ENPEP: variants seen among roughly 807,000 people sequenced by gnomAD.
ENPEP encodes AP-A.
Under a neutral mutation model 114.5 loss-of-function variants are expected in ENPEP, and 103 were observed. That is an observed-to-expected ratio of 0.90 (90% CI 0.77 to 1.06). The LOEUF is 1.06. Ranked by LOEUF, ENPEP falls within the 50% of genes least tolerant of loss-of-function variation. The probability of loss-of-function intolerance (pLI) is 0.00; values close to 1 mark genes in which losing one functional copy is unlikely to be tolerated. For synonymous variants in ENPEP, 420 were observed against 422.0 expected, an observed-to-expected ratio of 1.00 and a Z score of 0.06; for missense variants, 1,196 against 1,161.3, an observed-to-expected ratio of 1.03 and a Z score of -0.43.
At chr4:110,498,043 T>G in intron 3 of ENPEP, among the ~76,000 whole-genome samples, 1 of 152,254 alleles carries the variant, frequency 6.6e-6, no homozygotes, top group East Asian at 1.9e-4. Flanking sequence ...TCATCCTGGC[T>G]ACCTCAGTAT....
intron 1 of ENPEP, among the ~76,000 whole-genome samples, chr4:110,483,254 T>C (rs6839421): frequency 0.58 from 87,651 of 151,300 alleles, 25,532 homozygotes; most frequent in East Asian, 0.77. Context: ...AAGCTGCTCC[T>C]CTATGTAATT....
rs566033212 is a variant in ENPEP, at chr4:110,539,234, G to A, written c.1808-3517G>A. On this transcript the variant is annotated intron_variant, in intron 11 of 19. Coordinates refer to ENST00000265162, the MANE Select transcript of ENPEP (RefSeq NM_001977.4). ...TGCAATAAAGTGACTTCTCTCTAGC[G>A]CAATAAAGTAAGGTATGCTTGTACA... Among the ~76,000 whole-genome samples, 9 of 152,228 alleles carry A rather than the reference G, an allele frequency of 5.9e-5. No homozygotes were observed. In the East Asian group the frequency reaches 9.7e-4, roughly 16 times the overall value.
intron 10 of ENPEP, among the ~76,000 whole-genome samples, chr4:110,526,191 G>A (rs771434233): frequency 2.0e-5 from 3 of 152,014 alleles, no homozygotes; most frequent in East Asian, 3.9e-4. Context: ...CAGGAGACTC[G>A]CTTGAACCTG....
At chr4:110,515,523 C>A in intron 8 of ENPEP, 81 bp downstream of exon 8, 1 of 1,167,174 alleles carries the variant, frequency 8.6e-7, no homozygotes, top group Non-Finnish European at 1.2e-6. Flanking sequence ...TGTGATTAAT[C>A]AAGGATAATT....
intron 19 of ENPEP, among the ~76,000 whole-genome samples, chr4:110,560,607 C>T (rs1261051506): frequency 1.3e-5 from 2 of 152,054 alleles, no homozygotes; most frequent in East Asian, 3.9e-4. Context: ...GAAGGCCACA[C>T]CAGACAGTTC....
intron 8 of ENPEP, 151 bp downstream of exon 8, chr4:110,515,593 T>C: frequency 1.5e-6 from 1 of 655,342 alleles, no homozygotes; most frequent in South Asian, 1.8e-5. Context: ...AACATGATTT[T>C]ACATCCAATT....
At chr4:110,516,272 C>G (rs1038363510) in intron 8 of ENPEP, among the ~76,000 whole-genome samples, 1 of 152,156 alleles carries the variant, frequency 6.6e-6, no homozygotes, top group Non-Finnish European at 1.5e-5. Context: ...CCCACTTAAG[C>G]GTATTATTCC....
chr4:110,520,103 T>A, intron 9 of ENPEP, 30 bp downstream of exon 9: 1 of 1,608,498 alleles, frequency 6.2e-7, no homozygotes, highest in Non-Finnish European at 8.5e-7. Context: ...CCCAAATATT[T>A]CTTTGTCTGA....
chr4:110,548,139 G>GTTTTTTTTTTTTTTT (rs3042468), intron 13 of ENPEP, 37 bp from the exon 14 acceptor site: 18 of 692,116 alleles, frequency 2.6e-5, no homozygotes, highest in South Asian at 3.8e-5. Flanking sequence ...TTAACTGTGA[G>GTTTTTTTTTTTTTTT]TTTTTTTTTT....
intron 8 of ENPEP, among the ~76,000 whole-genome samples, chr4:110,517,640 A>G (rs559513211): frequency 6.6e-6 from 1 of 152,266 alleles, no homozygotes; most frequent in South Asian, 2.1e-4. Flanking sequence ...AATTTAAAAA[A>G]CCGGTTTTGT....
chr4:110,510,468 G>A lies in ENPEP; in HGVS notation c.1308+110G>A, dbSNP rs1467676957. 1.0e-5 allele frequency: 9 copies of A among 901,288 alleles called. No homozygotes were observed. In the South Asian group the frequency reaches 1.1e-4, roughly 11 times the overall value. 55.8% of individuals were successfully genotyped at this position (901,288 alleles called of 1,614,324 possible). ...AGTCAGATGGCAAGTACAGTGGTGAGCGGGGAATTCCACTGTGAGGATAGG... is the reference window on the plus strand; with the variant it reads ...AGTCAGATGGCAAGTACAGTGGTGAACGGGGAATTCCACTGTGAGGATAGG... On this transcript the variant is annotated intron_variant, in intron 6 of 19. Transcript: ENST00000265162.
chr4:110,559,625 T>C, intron 18 of ENPEP, 22 bp from the exon 19 acceptor site: 1 of 1,554,238 alleles, frequency 6.4e-7, no homozygotes, highest in Non-Finnish European at 8.9e-7. Context: ...TACACTTCCT[T>C]TTACTCTAAA....
intron 10 of ENPEP, among the ~76,000 whole-genome samples, chr4:110,524,864 T>C (rs2110367619): frequency 1.3e-5 from 2 of 152,248 alleles, no homozygotes; most frequent in East Asian, 3.9e-4. Context: ...GCTCAAGTGA[T>C]TTTCTCACCT....
chr4:110,564,398 TC>T lies in ENPEP; in HGVS notation c.*2841del, dbSNP rs1187007980. ...ACTTGGTAGTTGAGTGCTTTTAACC[TC>T]TCCATTGTTGTTTCATCTATAAAGT... On this transcript the variant is annotated 3_prime_UTR_variant, in exon 20 of 20. Coordinates refer to ENST00000265162, the MANE Select transcript of ENPEP (RefSeq NM_001977.4). The T allele has an allele frequency of 5.3e-5, 8 of 152,110 alleles. No homozygotes were observed. Among genetic ancestry groups the T allele is most frequent in the Admixed American group, 5.2e-4 (8 of 15,274 alleles). 9.4% of individuals were successfully genotyped at this position (152,110 alleles called of 1,614,324 possible).
rs995619743 is a variant in ENPEP, at chr4:110,564,691, C to T, written c.*3133C>T. On this transcript the variant is annotated 3_prime_UTR_variant, in exon 20 of 20. Transcript: ENST00000265162. Reference sequence around the variant, plus strand: ...GTTATTGTTCATAAATAGTAATTGCCCTGGTCTGGAAGAGGATTCTATATC... The same window carrying T: ...GTTATTGTTCATAAATAGTAATTGCTCTGGTCTGGAAGAGGATTCTATATC... The T allele has an allele frequency of 1.3e-5, 2 of 152,086 alleles. No homozygotes were observed. Among genetic ancestry groups the T allele is most frequent in the Admixed American group, 6.5e-5 (1 of 15,272 alleles). 9.4% of individuals were successfully genotyped at this position (152,086 alleles called of 1,614,324 possible). A position where few individuals can be genotyped will look rare whatever the true frequency, so the allele number is the denominator to read the frequency against.
In ENPEP at chr4:110,476,684, C is replaced by T. The variant is rs763258433; in HGVS notation, c.270C>T (p.Asn90=). The T allele has an allele frequency of 4.3e-6, 7 of 1,613,836 alleles. No individual in the cohort carries two copies. The South Asian group carries it at 7.7e-5, about 18-fold the overall frequency. Residue 90 remains asparagine, a synonymous_variant, in exon 1 of 20, where the codon AAC becomes AAT. Transcript: ENST00000265162. Reference sequence around the variant, plus strand: ...AGGATGAGAGCGGACAGTGGAAAAACTTTCGACTGCCGGACTTCGTCAACC... The same window carrying T: ...AGGATGAGAGCGGACAGTGGAAAAATTTTCGACTGCCGGACTTCGTCAACC... ...ASEDESGQWK[N]FRLPDFVNPV...
At chr4:110,483,406 A>C (rs1427372266) in intron 1 of ENPEP, among the ~76,000 whole-genome samples, 1 of 152,210 alleles carries the variant, frequency 6.6e-6, no homozygotes, top group African/African-American at 2.4e-5. Context: ...CAGCACAGCC[A>C]GAGAGTCTTC....
rs2110409333 is a variant in ENPEP, at chr4:110,565,135, T to C, written c.*3577T>C. 6.6e-6 allele frequency: 1 copy of C among 152,360 alleles called. No individual in the cohort carries two copies. The highest frequency in any genetic ancestry group is 2.4e-5 in the African/African-American group (1 of 41,586). The allele number at this position is 152,360 out of a possible 1,614,324, so 9.4% of individuals were successfully genotyped here. ...CTTCAGGGTTTAGCGACCTTTTGCC[T>C]GCCTGTTTTTGTAAGGCCTGAAAGC... is the stretch of plus-strand genomic sequence containing the variant. On this transcript the variant is annotated 3_prime_UTR_variant, in exon 20 of 20. Coordinates refer to ENST00000265162, the MANE Select transcript of ENPEP (RefSeq NM_001977.4).
chr4:110,556,596 T>C (rs932686620), intron 18 of ENPEP, among the ~76,000 whole-genome samples: 1 of 129,110 alleles, frequency 7.7e-6, no homozygotes, highest in African/African-American at 2.7e-5. Context: ...CCTTTGTTGT[T>C]TTTTTTAATG....
Sources: allele counts gnomAD v4.1 joint callset (sites outside exome capture counted in the v4.1 genomes callset), GRCh38; gene constraint gnomAD v4.1.1; transcripts MANE v1.5; gene names NCBI Gene and HGNC (gene_info 2026-07-23, HGNC 2026-07-21).